Variants in HACD2 observed in about 807,000 individuals in gnomAD.
HACD2 encodes 3-hydroxyacyl-CoA dehydratase 2.
HACD2 carries 15 observed loss-of-function variants against 31.0 expected under a neutral mutation model. The ratio of observed to expected loss-of-function variants is 0.48; its 90% confidence interval spans 0.32 to 0.75. The LOEUF (loss-of-function observed/expected upper bound fraction) is 0.75, where lower values mean the gene tolerates loss of function less well. Ranked by LOEUF, HACD2 falls within the 30% of genes least tolerant of loss-of-function variation. The pLI is 0.03. For synonymous variants in HACD2, 115 were observed against 122.2 expected, an observed-to-expected ratio of 0.94 and a Z score of 0.39; for missense variants, 283 against 313.0, an observed-to-expected ratio of 0.90 and a Z score of 0.72.
intron 4 of HACD2, among the ~76,000 whole-genome samples, chr3:123,509,735 G>A (rs573008188): frequency 1.4e-4 from 22 of 152,064 alleles, no homozygotes; most frequent in Non-Finnish European, 3.1e-4. Flanking sequence ...TCCTGACCTC[G>A]TGATCCGCCC....
chr3:123,561,602 C>T lies in HACD2; in HGVS notation c.292+6160G>A, dbSNP rs115237472. On this transcript the variant is annotated intron_variant, in intron 3 of 6. Coordinates refer to ENST00000383657, the MANE Select transcript of HACD2 (RefSeq NM_198402.5). ...TTCCACTACCTGCACCTCTAATCCCCATCCATAAAGAGGGGAACCATATTG... is the reference window on the plus strand; with the variant it reads ...TTCCACTACCTGCACCTCTAATCCCTATCCATAAAGAGGGGAACCATATTG... 4.3e-3 allele frequency among the ~76,000 whole-genome samples: 662 copies of T among 152,240 alleles called. 4 individuals carry two copies. The highest frequency in any genetic ancestry group is 0.016 in the African/African-American group (644 of 41,546).
intron 4 of HACD2, among the ~76,000 whole-genome samples, chr3:123,508,479 G>A (rs991773018): frequency 7.2e-5 from 11 of 152,312 alleles, no homozygotes; most frequent in Non-Finnish European, 1.6e-4. Flanking sequence ...GGCACAGGGA[G>A]TATCAGTACA....
At chr3:123,528,292 C>T (rs2056309559) in intron 4 of HACD2, 94 bp downstream of exon 4, 3 of 789,116 alleles carry the variant, frequency 3.8e-6, no homozygotes, top group Non-Finnish European at 6.8e-6. Flanking sequence ...GGAACTCTGA[C>T]CTGGAACTCT....
At chr3:123,532,474 T>G (rs933118489) in intron 3 of HACD2, among the ~76,000 whole-genome samples, 8 of 152,188 alleles carry the variant, frequency 5.3e-5, no homozygotes, top group Admixed American at 5.2e-4. Context: ...ATGGGCATTA[T>G]CTCAGCTCTG....
intron 3 of HACD2, among the ~76,000 whole-genome samples, chr3:123,555,698 A>T (rs750649088): frequency 3.9e-5 from 6 of 152,214 alleles, no homozygotes; most frequent in Non-Finnish European, 8.8e-5. Context: ...TCAAAATCCC[A>T]GGAAGCTATT....
chr3:123,545,890 T>C (rs981267923), intron 3 of HACD2, among the ~76,000 whole-genome samples: 7 of 151,886 alleles, frequency 4.6e-5, no homozygotes, highest in Non-Finnish European at 1.0e-4. Context: ...TTTTGTATTT[T>C]AGTAGAGATG....
At chr3:123,530,408 ATT>A (rs1168086468) in intron 3 of HACD2, among the ~76,000 whole-genome samples, 18 of 134,132 alleles carry the variant, frequency 1.3e-4, no homozygotes, top group Non-Finnish European at 1.1e-4. Context: ...GTGCCAGGTA[ATT>A]TTTTTTTTTT....
chr3:123,579,353 G>A (rs2056941611), intron 2 of HACD2, among the ~76,000 whole-genome samples: 1 of 150,408 alleles, frequency 6.6e-6, no homozygotes, highest in Non-Finnish European at 1.5e-5. Context: ...GGATTGCAGT[G>A]ATGCAATCAT....
At chr3:123,553,639 T>C (rs146459555) in intron 3 of HACD2, among the ~76,000 whole-genome samples, 27 of 152,322 alleles carry the variant, frequency 1.8e-4, no homozygotes, top group African/African-American at 6.0e-4. Flanking sequence ...TTCCATTTAC[T>C]ATAAAAACAC....
At chr3:123,515,677 T>C (rs911175915) in intron 4 of HACD2, among the ~76,000 whole-genome samples, 1 of 152,118 alleles carries the variant, frequency 6.6e-6, no homozygotes, top group Non-Finnish European at 1.5e-5. Context: ...AGGAATTTCA[T>C]CCTTGATATT....
At chr3:123,510,752 T>C (rs1358236875) in intron 4 of HACD2, among the ~76,000 whole-genome samples, 1 of 152,224 alleles carries the variant, frequency 6.6e-6, no homozygotes, top group Non-Finnish European at 1.5e-5. Flanking sequence ...TTTAAGTACT[T>C]GCTTTCAGTT....
chr3:123,548,553 G>A (rs2056585157), intron 3 of HACD2, among the ~76,000 whole-genome samples: 1 of 152,192 alleles, frequency 6.6e-6, no homozygotes, highest in Non-Finnish European at 1.5e-5. Flanking sequence ...ATGTTTTAAT[G>A]TATCAATAGA....
chr3:123,543,800 T>C (rs2056521952), intron 3 of HACD2: 2 of 205,016 alleles, frequency 9.8e-6, no homozygotes, highest in South Asian at 1.2e-4. Flanking sequence ...ATATGGGGGA[T>C]TTTTTTCTTT....
At chr3:123,561,109 T>C (rs2056723799) in intron 3 of HACD2, among the ~76,000 whole-genome samples, 1 of 152,126 alleles carries the variant, frequency 6.6e-6, no homozygotes, top group African/African-American at 2.4e-5. Context: ...GTGTTACAGT[T>C]CAAGGGAGGA....
chr3:123,512,288 G>A lies in HACD2; in HGVS notation c.382-9607C>T, dbSNP rs141557446. ...ATTTCAATTCAAAATGAAAAGAAAC[G>A]CATAAACACAAATATTAAAAAAAGA... On this transcript the variant is annotated intron_variant, in intron 4 of 6. Transcript: ENST00000383657. Among the ~76,000 whole-genome samples, 890 of 152,144 alleles carry A rather than the reference G, an allele frequency of 5.8e-3. 11 individuals are homozygous for A. The highest frequency in any genetic ancestry group is 0.021 in the African/African-American group (853 of 41,484).
chr3:123,554,516 A>C (rs1366349612), intron 3 of HACD2, among the ~76,000 whole-genome samples: 1 of 152,140 alleles, frequency 6.6e-6, no homozygotes, highest in East Asian at 1.9e-4. Context: ...CATCTCTCGA[A>C]AAAAAATTAA....
At position 123,499,435 on chromosome 3, in the gene HACD2, A is replaced by G. The variant is rs1055203672; in HGVS notation, c.682+1080T>C. 1.3e-4 allele frequency: 41 copies of G among 326,582 alleles called. 1 individual carries two copies. The highest frequency in any genetic ancestry group is 6.2e-6 in the Non-Finnish European group (1 of 162,370). 20.2% of individuals were successfully genotyped at this position (326,582 alleles called of 1,614,324 possible). Reference sequence around the variant, plus strand: ...GCACTAGAGAGGACTCAACATGAATAAAGAGTGGAAAATGAATCATGAAGC... The same window carrying G: ...GCACTAGAGAGGACTCAACATGAATGAAGAGTGGAAAATGAATCATGAAGC... On this transcript the variant is annotated intron_variant, in intron 6 of 6. Transcript: ENST00000383657.
chr3:123,579,903 T>C (rs1456826522), intron 2 of HACD2, among the ~76,000 whole-genome samples: 1 of 152,184 alleles, frequency 6.6e-6, no homozygotes, highest in Non-Finnish European at 1.5e-5. Flanking sequence ...TAAGGGACTT[T>C]AGAAATCTAC....
chr3:123,523,488 T>A (rs944779926), intron 4 of HACD2, among the ~76,000 whole-genome samples: 1 of 152,176 alleles, frequency 6.6e-6, no homozygotes, highest in African/African-American at 2.4e-5. Flanking sequence ...ATTAGTATTA[T>A]TATTTTACAG....
Sources: allele counts gnomAD v4.1 joint callset (sites outside exome capture counted in the v4.1 genomes callset), GRCh38; gene constraint gnomAD v4.1.1; transcripts MANE v1.5; gene names NCBI Gene and HGNC (gene_info 2026-07-23, HGNC 2026-07-21).